Variants in TRIM8 observed in about 807,000 individuals in gnomAD.
TRIM8 encodes the protein tripartite motif containing 8, also known as E3 ubiquitin-protein ligase TRIM8.
TRIM8 carries 9 observed loss-of-function variants against 55.7 expected under a neutral mutation model. That is an observed-to-expected ratio of 0.16 (90% CI 0.10 to 0.28). The LOEUF (loss-of-function observed/expected upper bound fraction) is 0.28, where lower values mean the gene tolerates loss of function less well. Ranked by LOEUF, TRIM8 falls within the 10% of genes least tolerant of loss-of-function variation. TRIM8 has a pLI of 1.00. For synonymous variants in TRIM8, 335 were observed against 333.3 expected, an observed-to-expected ratio of 1.01 and a Z score of -0.06; for missense variants, 556 against 736.4, an observed-to-expected ratio of 0.76 and a Z score of 2.83.
At chr10:102,651,351 G>A (rs954689196) in intron 1 of TRIM8, among the ~76,000 whole-genome samples, 1 of 152,194 alleles carries the variant, frequency 6.6e-6, no homozygotes, top group Admixed American at 6.5e-5. Context: ...CACCCCCCCA[G>A]GACTGGACAG....
In TRIM8 at chr10:102,645,000, C is replaced by G; in HGVS notation, c.383C>G (p.Thr128Ser). The G allele has an allele frequency of 6.3e-7, 1 of 1,597,782 alleles. No homozygotes were observed. Among genetic ancestry groups the G allele is most frequent in the Non-Finnish European group, 8.5e-7 (1 of 1,175,966 alleles). Residue 128 changes from threonine to serine, a missense_variant, in exon 1 of 6, where the codon ACC (threonine) becomes AGC (serine). Physicochemically the swap from Thr to Ser is moderately conservative, Grantham distance 58. This residue lies in a region of TRIM8 where 165 missense variants were observed against 295.3 expected (regional missense o/e 0.56). Transcript: ENST00000643721. ...CAGACGCACCTGCAGCAGCCCTCCA[C>G]CGCCCGCGGGCACCTCCTGGTGGAG... is the stretch of plus-strand genomic sequence containing the variant. ...HVQTHLQQPS[T>S]ARGHLLVEAD... is the part of the protein sequence containing the mutation.
intron 1 of TRIM8, among the ~76,000 whole-genome samples, chr10:102,650,350 G>T (rs2063974553): frequency 1.3e-5 from 2 of 152,172 alleles, no homozygotes; most frequent in Non-Finnish European, 2.9e-5. Context: ...GTCAGAGGAA[G>T]CAGCGGCAAA....
chr10:102,648,356 G>A (rs765437812), intron 1 of TRIM8, among the ~76,000 whole-genome samples: 14 of 152,204 alleles, frequency 9.2e-5, no homozygotes, highest in Non-Finnish European at 1.8e-4. Flanking sequence ...TGGTGCGTAT[G>A]TGTCTATGCA....
intron 1 of TRIM8, 127 bp from the exon 2 acceptor site, chr10:102,654,526 C>A: frequency 1.3e-6 from 1 of 772,498 alleles, no homozygotes; most frequent in Non-Finnish European, 2.3e-6. Context: ...GCCAAAGGGG[C>A]TGGGTAGCAG....
At chr10:102,647,683 T>C (rs1157084587) in intron 1 of TRIM8, among the ~76,000 whole-genome samples, 1 of 152,142 alleles carries the variant, frequency 6.6e-6, no homozygotes. Flanking sequence ...GCTGGTGTTG[T>C]GGGCGAGGGC....
intron 1 of TRIM8, among the ~76,000 whole-genome samples, chr10:102,650,311 A>T (rs1199883871): frequency 6.6e-6 from 1 of 152,206 alleles, no homozygotes; most frequent in Non-Finnish European, 1.5e-5. Context: ...GTAGGGGCTC[A>T]GGGTTCGCTG....
Position 102,656,958 on chromosome 10 carries a change from C to T in TRIM8, c.1260C>T (p.Ser420=), listed in dbSNP as rs1428110105. Residue 420 remains serine, a synonymous_variant, in exon 6 of 6, where the codon AGC becomes AGT. Coordinates refer to ENST00000643721, the MANE Select transcript of TRIM8 (RefSeq NM_030912.3). The surrounding 1 kb of genome is among the most constrained non-coding windows in gnomAD (Gnocchi z 4.6). ...GQSGQPLGPC[S]STQHLVALPG... is the part of the protein sequence containing the mutation. ...CTGGGCAGCCCCTGGGGCCCTGCAG[C>T]TCCACGCAGCACTTGGTGGCCCTGC... The T allele has an allele frequency of 6.2e-7, 1 of 1,611,908 alleles. No individual in the cohort carries two copies. Among genetic ancestry groups the T allele is most frequent in the Non-Finnish European group, 8.5e-7 (1 of 1,179,304 alleles).
intron 1 of TRIM8, among the ~76,000 whole-genome samples, chr10:102,650,118 C>T (rs547050278): frequency 6.6e-6 from 1 of 152,188 alleles, no homozygotes; most frequent in East Asian, 1.9e-4. Context: ...GGCCCTGTTT[C>T]CTCCTGACCT....
At chr10:102,646,364 G>A (rs1020060405) in intron 1 of TRIM8, among the ~76,000 whole-genome samples, 1 of 152,212 alleles carries the variant, frequency 6.6e-6, no homozygotes, top group Non-Finnish European at 1.5e-5. Flanking sequence ...TCTGGGTGGG[G>A]ATCCCTGGAG....
In TRIM8 at chr10:102,657,447, C is replaced by T. The variant is rs1398703600; in HGVS notation, c.*93C>T. On this transcript the variant is annotated 3_prime_UTR_variant, in exon 6 of 6. Coordinates refer to ENST00000643721, the MANE Select transcript of TRIM8 (RefSeq NM_030912.3). ...CAGAGACCTGCCCTTCTACCTTCCT[C>T]GCCTCCCCTCTTCCTCATTCCATTG... 9.2e-6 allele frequency: 13 copies of T among 1,415,434 alleles called. No individual in the cohort carries two copies. The highest frequency in any genetic ancestry group is 2.9e-5 in the African/African-American group (2 of 69,438). The allele number at this position is 1,415,434 out of a possible 1,614,324, so 87.7% of individuals were successfully genotyped here.
chr10:102,649,582 T>C (rs910226036), intron 1 of TRIM8, among the ~76,000 whole-genome samples: 11 of 152,178 alleles, frequency 7.2e-5, no homozygotes, highest in Admixed American at 2.0e-4. Context: ...AAGGGGGGCT[T>C]TCTCTCTCGC....
In TRIM8 at chr10:102,654,451, T is replaced by C. The variant is rs2064007860; in HGVS notation, c.571-202T>C. 4 of 534,066 alleles carry C rather than the reference T, an allele frequency of 7.5e-6. No homozygotes were observed. In the Admixed American group the frequency reaches 1.3e-4, roughly 17 times the overall value. 33.1% of individuals were successfully genotyped at this position (534,066 alleles called of 1,614,324 possible). A position where few individuals can be genotyped will look rare whatever the true frequency, so the allele number is the denominator to read the frequency against. On this transcript the variant is annotated intron_variant, in intron 1 of 5. Coordinates refer to ENST00000643721, the MANE Select transcript of TRIM8 (RefSeq NM_030912.3). ...GAATCCATCTAAAAAAATAATAAGA[T>C]AAATAAATATGCATGGGAAGCTATT...
intron 1 of TRIM8, among the ~76,000 whole-genome samples, chr10:102,651,992 G>A (rs920850995): frequency 6.6e-6 from 1 of 152,152 alleles, no homozygotes; most frequent in African/African-American, 2.4e-5. Flanking sequence ...GTGCCCCTGC[G>A]CCTGCCCACT....
chr10:102,651,269 C>T (rs566171102), intron 1 of TRIM8, among the ~76,000 whole-genome samples: 6 of 152,304 alleles, frequency 3.9e-5, no homozygotes, highest in South Asian at 2.1e-4. Flanking sequence ...AAGACCCTGC[C>T]GGCTCCCAGG....
Position 102,647,774 on chromosome 10 carries a change from T to C in TRIM8, c.570+2587T>C, listed in dbSNP as rs373166523. 1.1e-4 allele frequency among the ~76,000 whole-genome samples: 16 copies of C among 151,886 alleles called. No individual in the cohort carries two copies. In the South Asian group the frequency reaches 3.3e-3, roughly 32 times the overall value. ...AAATCTAGGCTCTGCTTCTTGTGCG[T>C]CCTCTTCTGCCCTCCCAGGGGGATT... is the stretch of plus-strand genomic sequence containing the variant. On this transcript the variant is annotated intron_variant, in intron 1 of 5. Coordinates refer to ENST00000643721, the MANE Select transcript of TRIM8 (RefSeq NM_030912.3).
In TRIM8 at chr10:102,651,926, G is replaced by A. The variant is rs558198594; in HGVS notation, c.571-2727G>A. ...CTGTGCCCGCCAGCATACCTGAGGCGGGCTCGGGGCTCAGGTGGCAAGGTA... is the reference window on the plus strand; with the variant it reads ...CTGTGCCCGCCAGCATACCTGAGGCAGGCTCGGGGCTCAGGTGGCAAGGTA... On this transcript the variant is annotated intron_variant, in intron 1 of 5. Coordinates refer to ENST00000643721, the MANE Select transcript of TRIM8 (RefSeq NM_030912.3). Among the ~76,000 whole-genome samples the A allele has an allele frequency of 2.0e-5, 3 of 152,322 alleles. No individual in the cohort carries two copies. The South Asian group carries it at 6.2e-4, about 32-fold the overall frequency.
chr10:102,651,274 C>T (rs557672244), intron 1 of TRIM8, among the ~76,000 whole-genome samples: 2 of 152,314 alleles, frequency 1.3e-5, no homozygotes, highest in South Asian at 2.1e-4. Context: ...CCTGCCGGCT[C>T]CCAGGGTAGA....
In TRIM8 at chr10:102,657,114, C is replaced by T. The variant is rs770095724; in HGVS notation, c.1416C>T (p.Asn472=). The T allele has an allele frequency of 8.7e-6, 14 of 1,613,804 alleles. No individual in the cohort carries two copies. In the South Asian group the frequency reaches 1.5e-4, roughly 18 times the overall value. Residue 472 remains asparagine, a synonymous_variant, in exon 6 of 6, where the codon AAC becomes AAT. Transcript: ENST00000643721. Reference sequence around the variant, plus strand: ...AGATTCTCGTCTGTTCTGTGGACAACTGTTACTGTTCTTCCGTGGCCAACC... The same window carrying T: ...AGATTCTCGTCTGTTCTGTGGACAATTGTTACTGTTCTTCCGTGGCCAACC... ...GRKILVCSVD[N]CYCSSVANHG...
intron 1 of TRIM8, 36 bp downstream of exon 1, chr10:102,645,223 A>G: frequency 6.7e-7 from 1 of 1,484,846 alleles, no homozygotes; most frequent in South Asian, 1.3e-5. Flanking sequence ...ACACACACAC[A>G]CACAGACACA....
Sources: allele counts gnomAD v4.1 joint callset (sites outside exome capture counted in the v4.1 genomes callset), GRCh38; gene constraint gnomAD v4.1.1; regional missense constraint gnomAD v4.1.1; non-coding constraint Gnocchi (gnomAD v3.1); transcripts MANE v1.5; gene names NCBI Gene and HGNC (gene_info 2026-07-23, HGNC 2026-07-21).